ABCC2: variants seen among roughly 807,000 people sequenced by gnomAD.
ABCC2 encodes ATP-binding cassette sub-family C member 2.
ABCC2 carries 157 observed loss-of-function variants against 173.4 expected under a neutral mutation model. The observed-to-expected ratio is 0.91, with a 90% CI of 0.80 to 1.03. ABCC2 has a LOEUF of 1.03. Among genes scored for constraint, ABCC2 ranks in the 50% least tolerant of loss-of-function variants. The probability of loss-of-function intolerance (pLI) is 0.00; values close to 1 mark genes in which losing one functional copy is unlikely to be tolerated. For synonymous variants in ABCC2, 657 were observed against 693.5 expected (o/e 0.95, Z 0.83); for missense variants, 1,822 against 1,852.3 (o/e 0.98, Z 0.30).
At chr10:99,812,959 G>T in intron 15 of ABCC2, 59 bp from the exon 16 acceptor site, 1 of 1,600,358 alleles carries the variant, frequency 6.2e-7, no homozygotes, top group South Asian at 1.1e-5. Context: ...GAAGTGACTT[G>T]AACTACTCTT....
chr10:99,830,505 G>A, intron 20 of ABCC2, 72 bp downstream of exon 20: 1 of 1,608,444 alleles, frequency 6.2e-7, no homozygotes, highest in Admixed American at 1.7e-5. Context: ...TTTTCTTCCT[G>A]GGCTTTTCCT....
At chr10:99,849,193 G>A (rs1027440717) in intron 30 of ABCC2, among the ~76,000 whole-genome samples, 14 of 152,152 alleles carry the variant, frequency 9.2e-5, no homozygotes, top group Admixed American at 7.2e-4. Flanking sequence ...TTGCGCCATT[G>A]CACTCCAGCC....
At position 99,811,597 on chromosome 10, in the gene ABCC2, C is replaced by T. The variant is rs756764310; in HGVS notation, c.1962C>T (p.Val654=). The T allele has an allele frequency of 5.0e-6, 8 of 1,613,960 alleles. 1 individual carries two copies. The highest frequency in any genetic ancestry group is 3.3e-5 in the South Asian group (3 of 91,078). ...FTWEHDSEAT[V]RDVNLDIMAG... ...GGGAACATGATTCGGAAGCCACAGT[C>T]CGAGAGTGAGTTGCCTTCTTTCCAT... The change falls in exon 15 of 32, where the codon GTC becomes GTT. Residue 654 remains valine (V), a synonymous_variant. Coordinates refer to ENST00000647814, the MANE Select transcript of ABCC2 (RefSeq NM_000392.5).
Position 99,850,631 on chromosome 10 carries a change from G to T in ABCC2, c.4343G>T (p.Gly1448Val). 6.2e-7 allele frequency: 1 copy of T among 1,614,186 alleles called. No individual in the cohort carries two copies. Among genetic ancestry groups the T allele is most frequent in the Non-Finnish European group, 8.5e-7 (1 of 1,180,032 alleles). Residue 1448 changes from glycine (G) to valine (V), a missense_variant, in exon 31 of 32, where the codon GGC becomes GTC. By Grantham distance (109) the Gly-to-Val change is moderately radical. Coordinates refer to ENST00000647814, the MANE Select transcript of ABCC2 (RefSeq NM_000392.5). ...GGCCAGAGGCAGCTGCTGTGCCTGG[G>T]CAGGGCTCTGCTTCGGAAATCCAAG... ...SIGQRQLLCLGRALLRKSKIL... is the reference protein window; with the variant it reads ...SIGQRQLLCLVRALLRKSKIL...
At chr10:99,835,269 A>ATCG (rs1255960503) in intron 24 of ABCC2, among the ~76,000 whole-genome samples, 1 of 152,134 alleles carries the variant, frequency 6.6e-6, no homozygotes, top group Non-Finnish European at 1.5e-5. Context: ...GCTCGCCCCC[A>ATCG]TGTCCGTGTA....
intron 18 of ABCC2, 22 bp downstream of exon 18, chr10:99,818,979 T>C (rs1165940900): frequency 6.8e-6 from 11 of 1,613,150 alleles, no homozygotes; most frequent in Non-Finnish European, 9.3e-6. Flanking sequence ...TTGAACATGA[T>C]GAAGATATAA....
Position 99,805,701 on chromosome 10 carries a change from A to G in ABCC2, c.1530+254A>G, listed in dbSNP as rs986179679. 6.6e-5 allele frequency among the ~76,000 whole-genome samples: 10 copies of G among 152,278 alleles called. No homozygotes were observed. The East Asian group carries it at 1.4e-3, about 21-fold the overall frequency. ...TTAAACATGTAGAAAAGTAGAGACT[A>G]TCATGAACCCCTACAAACTTTTCAC... On this transcript the variant is annotated intron_variant, in intron 11 of 31. Transcript: ENST00000647814.
At chr10:99,807,062 G>T (rs2038121231) in intron 11 of ABCC2, among the ~76,000 whole-genome samples, 1 of 152,202 alleles carries the variant, frequency 6.6e-6, no homozygotes, top group African/African-American at 2.4e-5. Flanking sequence ...CAAATGTAAG[G>T]TGACTAACTC....
chr10:99,813,453 C>T (rs547383004), intron 16 of ABCC2, among the ~76,000 whole-genome samples: 4 of 152,270 alleles, frequency 2.6e-5, no homozygotes, highest in South Asian at 2.1e-4. Context: ...CGGTGGCTCA[C>T]GCCTATAATC....
Position 99,817,436 on chromosome 10 carries a change from A to G in ABCC2, c.2223A>G (p.Pro741=). Residue 741 remains proline (P), a synonymous_variant, in exon 17 of 32, where the codon CCA becomes CCG. Transcript: ENST00000647814. ...TACTGGAGGCCTGTGCTCTCCTCCC[A>G]GACTTGGAAATGCTGCCTGGAGGAG... ...QQVLEACALL[P]DLEMLPGGDL... 1 of 1,614,182 alleles carries G rather than the reference A, an allele frequency of 6.2e-7. No individual in the cohort carries two copies.
chr10:99,842,610 G>C (rs2038963863), intron 26 of ABCC2, among the ~76,000 whole-genome samples: 1 of 152,120 alleles, frequency 6.6e-6, no homozygotes, highest in Admixed American at 6.5e-5. Context: ...TAGCACCTAA[G>C]ACAGTGGCTG....
At chr10:99,818,656 A>G (rs551581703) in intron 17 of ABCC2, 134 bp from the exon 18 acceptor site, 1 of 845,342 alleles carries the variant, frequency 1.2e-6, no homozygotes, top group Non-Finnish European at 1.9e-6. Flanking sequence ...CTTTATTTGT[A>G]TAAAGGAACT....
At chr10:99,830,192 C>T in intron 19 of ABCC2, 115 bp from the exon 20 acceptor site, 1 of 1,219,264 alleles carries the variant, frequency 8.2e-7, no homozygotes, top group Non-Finnish European at 1.2e-6. Context: ...GCTGTATGTA[C>T]ATCTGGGATC....
intron 2 of ABCC2, among the ~76,000 whole-genome samples, chr10:99,786,432 G>C (rs1407786800): frequency 3.3e-5 from 5 of 152,182 alleles, no homozygotes; most frequent in African/African-American, 1.2e-4. Flanking sequence ...AAGTTGGGAG[G>C]CTTCTTCTAC....
Position 99,836,135 on chromosome 10 carries a change from T to C in ABCC2, c.3459T>C (p.Ser1153=). ...STSRQLRRLD[S]VTRSPIYSHF... ...CCCGCCAGCTGAGGCGTCTGGACTCTGTCACCAGGTCCCCAATCTACTCTC... is the reference window on the plus strand; with the variant it reads ...CCCGCCAGCTGAGGCGTCTGGACTCCGTCACCAGGTCCCCAATCTACTCTC... Residue 1153 remains serine (S), a synonymous_variant, in exon 25 of 32, where the codon TCT becomes TCC. Coordinates refer to ENST00000647814, the MANE Select transcript of ABCC2 (RefSeq NM_000392.5). 2 of 1,614,196 alleles carry C rather than the reference T, an allele frequency of 1.2e-6. No homozygotes were observed. The highest frequency in any genetic ancestry group is 1.7e-6 in the Non-Finnish European group (2 of 1,180,040).
At chr10:99,799,429 C>T (rs547515246) in intron 8 of ABCC2, 59 bp downstream of exon 8, 43,519 of 1,581,960 alleles carry the variant, frequency 0.028, 736 homozygotes, top group Non-Finnish European at 0.033. Flanking sequence ...CTCCTTTTTG[C>T]CACTGTGTAT....
At chr10:99,832,655 G>C (rs2038759942) in intron 23 of ABCC2, among the ~76,000 whole-genome samples, 1 of 152,186 alleles carries the variant, frequency 6.6e-6, no homozygotes, top group Admixed American at 6.5e-5. Flanking sequence ...CCCTTTGCTT[G>C]GCCTCTGCCT....
chr10:99,832,895 A>G (rs1481765855), intron 23 of ABCC2, among the ~76,000 whole-genome samples: 4 of 152,262 alleles, frequency 2.6e-5, no homozygotes, highest in African/African-American at 9.6e-5. Flanking sequence ...TGTGAAGATC[A>G]TAGATGTCTC....
intron 28 of ABCC2, 80 bp downstream of exon 28, chr10:99,844,545 C>T: frequency 6.4e-7 from 1 of 1,573,422 alleles, no homozygotes. Context: ...CAGCTGGGCC[C>T]TAAGCCTTCA....
Sources: gnomAD v4.1 joint callset for allele counts (sites outside exome capture counted in the v4.1 genomes callset) on GRCh38, gnomAD v4.1.1 for gene constraint, MANE v1.5 for transcripts, NCBI Gene and HGNC (gene_info 2026-07-23, HGNC 2026-07-21) for gene names.